ITIH2: variants seen among roughly 807,000 people sequenced by gnomAD.
ITIH2 encodes inter-alpha-trypsin inhibitor heavy chain H2.
Under a neutral mutation model 104.4 loss-of-function variants are expected in ITIH2, and 103 were observed. The ratio of observed to expected loss-of-function variants is 0.99; its 90% CI spans 0.84 to 1.16. The LOEUF (loss-of-function observed/expected upper bound fraction) is 1.16. Among genes scored for constraint, ITIH2 ranks in the 50% most tolerant of loss-of-function variants. The probability of loss-of-function intolerance (pLI) is 0.00; values close to 1 mark genes in which losing one functional copy is unlikely to be tolerated. For missense variants in ITIH2, 1,108 were observed against 1,162.4 expected (o/e 0.95, Z 0.68); for synonymous variants, 436 against 435.4 (o/e 1.00, Z -0.02).
rs201601009 is a variant in ITIH2 at position 7,721,704 on chromosome 10, G to C, written c.794G>C (p.Arg265Pro). 1.2e-6 allele frequency: 2 copies of C among 1,613,732 alleles called. No homozygotes were observed. The highest frequency in any genetic ancestry group is 8.5e-7 in the Non-Finnish European group (1 of 1,179,832). Residue 265 changes from arginine (R) to proline (P), a missense_variant, in exon 8 of 21, where the codon CGG (arginine) becomes CCG (proline). Coordinates refer to ENST00000358415, the MANE Select transcript of ITIH2 (RefSeq NM_002216.3). ...CAGCAGAGAATATGCCCTAACTGCCGGGAGACTGCGGTAGATGGGGAACTG... is the reference window on the plus strand; with the variant it reads ...CAGCAGAGAATATGCCCTAACTGCCCGGAGACTGCGGTAGATGGGGAACTG... ...VAQQRICPNC[R>P]ETAVDGELVV...
chr10:7,744,837 G>A lies in ITIH2; in HGVS notation c.2455G>A (p.Asp819Asn), dbSNP rs764369263. The change falls in exon 19 of 21, where the codon GAT (aspartate) becomes AAT (asparagine). Residue 819 changes from aspartate (D) to asparagine (N), a missense_variant. Coordinates refer to ENST00000358415, the MANE Select transcript of ITIH2 (RefSeq NM_002216.3). ...AGAAAAAGTGGTAACTATCACCCTG[G>A]ATAAAGAGATGTCCTTTTCTGTTTT... ...KKEKVVTITL[D>N]KEMSFSVLLH... The A allele has an allele frequency of 3.7e-6, 6 of 1,614,004 alleles. No individual in the cohort carries two copies. In the African/African-American group the frequency reaches 4.0e-5, roughly 11 times the overall value.
At position 7,732,404 on chromosome 10, in the gene ITIH2, G is replaced by C; in HGVS notation, c.1714G>C (p.Asp572His). Reference sequence around the variant, plus strand: ...CGACTTGCAGGATTTTCTATCGAAAGACAAGCATGCAGATCCCGATTTCAC... The same window carrying C: ...CGACTTGCAGGATTTTCTATCGAAACACAAGCATGCAGATCCCGATTTCAC... ...MDDLQDFLSKDKHADPDFTRK... is the reference protein window; with the variant it reads ...MDDLQDFLSKHKHADPDFTRK... The change falls in exon 14 of 21, where the codon GAC becomes CAC. Residue 572 changes from aspartate to histidine, a missense_variant. Coordinates refer to ENST00000358415, the MANE Select transcript of ITIH2 (RefSeq NM_002216.3). 1.2e-6 allele frequency: 2 copies of C among 1,614,106 alleles called. No homozygotes were observed. Among genetic ancestry groups the C allele is most frequent in the Non-Finnish European group, 1.7e-6 (2 of 1,179,994 alleles).
intron 15 of ITIH2, among the ~76,000 whole-genome samples, chr10:7,738,200 AATATT>A: frequency 1.2e-5 from 1 of 83,130 alleles, no homozygotes; most frequent in Non-Finnish European, 2.3e-5. Context: ...TATTCTATAA[AATATT>A]ATATATTATA....
At chr10:7,718,366 C>T (rs918090728) in intron 6 of ITIH2, among the ~76,000 whole-genome samples, 4 of 152,148 alleles carry the variant, frequency 2.6e-5, no homozygotes, top group African/African-American at 9.7e-5. Flanking sequence ...GACTCTTTTT[C>T]CAGATAAATC....
At position 7,717,696 on chromosome 10, in the gene ITIH2, G is replaced by A. The variant is rs369417932; in HGVS notation, c.538G>A (p.Glu180Lys). 48 of 1,613,570 alleles carry A rather than the reference G, an allele frequency of 3.0e-5. No individual in the cohort carries two copies. In the African/African-American group the frequency reaches 3.1e-4, roughly 10 times the overall value. Residue 180 changes from glutamate (E) to lysine (K), a missense_variant, in exon 6 of 21, where the codon GAA becomes AAA. By Grantham distance (56) the Glu-to-Lys change is moderately conservative. Coordinates refer to ENST00000358415, the MANE Select transcript of ITIH2 (RefSeq NM_002216.3). ...CCTCCCAGGAGCAAAGGTGCAGTTC[G>A]AACTTCACTACCAGGAGGTGAAGTG... ...NVLPGAKVQF[E>K]LHYQEVKWRK...
chr10:7,705,697 A>AT (rs1834740260), intron 2 of ITIH2, among the ~76,000 whole-genome samples: 2 of 82,736 alleles, frequency 2.4e-5, no homozygotes, highest in African/African-American at 4.1e-5. Context: ...TCCCCACTCC[A>AT]TTTAAAAAAA....
At chr10:7,731,328 T>C (rs978392077) in intron 12 of ITIH2, among the ~76,000 whole-genome samples, 15 of 152,224 alleles carry the variant, frequency 9.9e-5, no homozygotes, top group African/African-American at 3.4e-4. Context: ...AACAAGTCTT[T>C]GTCTTCTCTC....
At position 7,744,022 on chromosome 10, in the gene ITIH2, AC is replaced by A. The variant is rs367968638; in HGVS notation, c.2210-57del. 3.5e-3 allele frequency: 4,475 copies of A among 1,271,366 alleles called. 28 individuals are homozygous for A. The highest frequency in any genetic ancestry group is 0.019 in the Middle Eastern group (104 of 5,368). The allele number at this position is 1,271,366 out of a possible 1,614,324, so 78.8% of individuals were successfully genotyped here. A position where few individuals can be genotyped will look rare whatever the true frequency, so the allele number is the denominator to read the frequency against. On this transcript the variant is annotated intron_variant, in intron 17 of 20. Transcript: ENST00000358415. ...AGTTTTTATAAATTTGAATTATAGT[AC>A]CCACACATGCAAAATAAATGGCACA... is the stretch of plus-strand genomic sequence containing the variant.
At chr10:7,737,666 T>TCTATATAATATTCTATATATTCTATATA (rs1365806735) in intron 15 of ITIH2, among the ~76,000 whole-genome samples, 2 of 19,360 alleles carry the variant, frequency 1.0e-4, no homozygotes, top group African/African-American at 3.8e-4. Context: ...TATTCTATAT[T>TCTATATAATATTCTATATATTCTATATA]ATATTCTATA....
At chr10:7,704,013 G>C (rs1834722268) in intron 1 of ITIH2, among the ~76,000 whole-genome samples, 1 of 152,208 alleles carries the variant, frequency 6.6e-6, no homozygotes, top group Non-Finnish European at 1.5e-5. Flanking sequence ...TGTAATAAGA[G>C]CACTTTAAGT....
intron 6 of ITIH2, among the ~76,000 whole-genome samples, chr10:7,719,276 G>A (rs193201083): frequency 3.3e-5 from 5 of 152,296 alleles, no homozygotes; most frequent in East Asian, 1.9e-4. Context: ...AGCACATACC[G>A]TGCTTTTGCG....
chr10:7,746,068 TAAAAAAAAAAAAAAAA>T (rs372266950), intron 19 of ITIH2, among the ~76,000 whole-genome samples: 2 of 35,772 alleles, frequency 5.6e-5, no homozygotes, highest in Non-Finnish European at 1.0e-4. Flanking sequence ...ATCTTAAATT[TAAAAAAAAAAAAAAAA>T]AAAAAAAAAA....
rs370269446 is a variant in ITIH2 at position 7,749,210 on chromosome 10, C to A, written c.2717C>A (p.Thr906Lys). 1 of 1,614,000 alleles carries A rather than the reference C, an allele frequency of 6.2e-7. No homozygotes were observed. The highest frequency in any genetic ancestry group is 1.7e-5 in the Admixed American group (1 of 60,002). ...AGGGGCTTACAGAAAGACTACAGAA[C>A]GGATCTAGTGTTTGGAACGGACGTT... ...ITRGLQKDYR[T>K]DLVFGTDVTC... Residue 906 changes from threonine to lysine, a missense_variant, in exon 21 of 21, where the codon ACG becomes AAG. Physicochemically the swap from Thr to Lys is moderately conservative, Grantham distance 78. Coordinates refer to ENST00000358415, the MANE Select transcript of ITIH2 (RefSeq NM_002216.3).
At chr10:7,709,517 C>T (rs962696466) in intron 4 of ITIH2, among the ~76,000 whole-genome samples, 4 of 151,912 alleles carry the variant, frequency 2.6e-5, no homozygotes, top group Non-Finnish European at 4.4e-5. Flanking sequence ...CACATAAGAG[C>T]GTGTGCACAG....
chr10:7,749,427 C>T lies in ITIH2; in HGVS notation c.*93C>T, dbSNP rs1835216373. On this transcript the variant is annotated 3_prime_UTR_variant, in exon 21 of 21. Transcript: ENST00000358415. ...TTCGGTTTGAATAATTAAAATGAAC[C>T]AGATATCAGGGTGGTTAATTAAAAT... 4.5e-6 allele frequency: 5 copies of T among 1,116,780 alleles called. No homozygotes were observed. The South Asian group carries it at 6.4e-5, about 14-fold the overall frequency. The allele number at this position is 1,116,780 out of a possible 1,614,324, so 69.2% of individuals were successfully genotyped here.
chr10:7,736,090 T>C (rs1835053179), intron 15 of ITIH2, among the ~76,000 whole-genome samples: 1 of 151,994 alleles, frequency 6.6e-6, no homozygotes, highest in East Asian at 1.9e-4. Context: ...ACCTGGCCAG[T>C]CATGGTGGCT....
rs111581042 is a variant in ITIH2, at chr10:7,739,140, C to T, written c.2095+382C>T. On this transcript the variant is annotated intron_variant, in intron 16 of 20. Coordinates refer to ENST00000358415, the MANE Select transcript of ITIH2 (RefSeq NM_002216.3). ...ATTTCTTTGCCTTTCCATTGACAAC[C>T]TCTCTGGCATCTTCTCCCACAGCAT... Among the ~76,000 whole-genome samples the T allele has an allele frequency of 2.0e-3, 306 of 152,194 alleles. 2 individuals carry two copies. Among genetic ancestry groups the T allele is most frequent in the African/African-American group, 7.1e-3 (295 of 41,518 alleles).
At chr10:7,721,526 G>A (rs895373382) in intron 7 of ITIH2, 123 bp from the exon 8 acceptor site, 8 of 831,848 alleles carry the variant, frequency 9.6e-6, no homozygotes, top group Non-Finnish European at 1.1e-5. Flanking sequence ...TGGGTCCACC[G>A]ATATCGCGGG....
chr10:7,744,747 G>A lies in ITIH2; in HGVS notation c.2409-44G>A, dbSNP rs746802570. 6 of 1,550,000 alleles carry A rather than the reference G, an allele frequency of 3.9e-6. No individual in the cohort carries two copies. In the South Asian group the frequency reaches 6.0e-5, roughly 16 times the overall value. ...GTGAGAAGAATGACTTTCTCAAAAG[G>A]TCTGTTCTGGAATGGTTTAATTCCT... On this transcript the variant is annotated intron_variant, in intron 18 of 20. Transcript: ENST00000358415.
Sources: gnomAD v4.1 joint callset for allele counts (sites outside exome capture counted in the v4.1 genomes callset) on GRCh38, gnomAD v4.1.1 for gene constraint, MANE v1.5 for transcripts, NCBI Gene and HGNC (gene_info 2026-07-23, HGNC 2026-07-21) for gene names.